KCTD3: variants seen among roughly 807,000 people sequenced by gnomAD.
The protein encoded by KCTD3 is potassium channel tetramerization domain containing 3.
KCTD3 carries 41 observed loss-of-function variants against 85.8 expected under a neutral mutation model. That is an observed-to-expected ratio of 0.48 (90% confidence interval 0.37 to 0.62). The LOEUF (loss-of-function observed/expected upper bound fraction) is 0.62, where lower values mean the gene tolerates loss of function less well. KCTD3 is among the 20% of genes least tolerant of loss of function. The pLI, the probability that KCTD3 is intolerant of heterozygous loss-of-function variation, is 0.00. For synonymous variants in KCTD3, 338 were observed against 345.4 expected (o/e 0.98, Z 0.24); for missense variants, 724 against 989.9 (o/e 0.73, Z 3.60).
At chr1:215,576,175 TCTC>T (rs1470162455) in intron 4 of KCTD3, among the ~76,000 whole-genome samples, 1 of 151,928 alleles carries the variant, frequency 6.6e-6, no homozygotes. Context: ...TTCAAACAAT[TCTC>T]CTGCCTCAGC....
intron 2 of KCTD3, 92 bp downstream of exon 2, chr1:215,573,931 G>C (rs1659468831): frequency 9.9e-7 from 1 of 1,012,412 alleles, no homozygotes; most frequent in South Asian, 1.7e-5. Flanking sequence ...TAATAAAAAA[G>C]GTTAACTCTT....
intron 1 of KCTD3, among the ~76,000 whole-genome samples, 159 bp downstream of exon 1, chr1:215,567,927 T>G (rs1659205008): frequency 6.6e-6 from 1 of 151,938 alleles, no homozygotes; most frequent in Non-Finnish European, 1.5e-5. Context: ...TCGGGCGGAT[T>G]TTGGAGCTGG....
At chr1:215,583,130 T>A (rs1033843628) in intron 8 of KCTD3, among the ~76,000 whole-genome samples, 2 of 152,040 alleles carry the variant, frequency 1.3e-5, no homozygotes, top group African/African-American at 2.4e-5. Context: ...TTTTTTTTTT[T>A]AAGTGAATCC....
intron 15 of KCTD3, among the ~76,000 whole-genome samples, chr1:215,613,963 T>C (rs531471059): frequency 6.6e-6 from 1 of 151,770 alleles, no homozygotes; most frequent in East Asian, 1.9e-4. Context: ...TTGCTTAGGA[T>C]TGCTTTGTCT....
chr1:215,568,085 C>G (rs566401304), intron 1 of KCTD3, among the ~76,000 whole-genome samples: 61 of 152,298 alleles, frequency 4.0e-4, no homozygotes, highest in Middle Eastern at 3.4e-3. Flanking sequence ...GCCTTCCTTA[C>G]CTCATCTCAG....
At chr1:215,618,745 C>A in intron 15 of KCTD3, 141 bp from the exon 16 acceptor site, 1 of 643,100 alleles carries the variant, frequency 1.6e-6, no homozygotes, top group South Asian at 2.3e-5. Context: ...TAAAGATTTA[C>A]ACATAAATTT....
At chr1:215,590,240 T>C (rs1241731182) in intron 9 of KCTD3, among the ~76,000 whole-genome samples, 1 of 152,216 alleles carries the variant, frequency 6.6e-6, no homozygotes, top group African/African-American at 2.4e-5. Flanking sequence ...TATTTTCTTT[T>C]GAGAAGTGTC....
At chr1:215,616,516 T>G (rs1655456639) in intron 15 of KCTD3, among the ~76,000 whole-genome samples, 1 of 152,054 alleles carries the variant, frequency 6.6e-6, no homozygotes, top group South Asian at 2.1e-4. Flanking sequence ...ATCCCAGCAC[T>G]TTGGGAGGCT....
Position 215,567,416 on chromosome 1 carries a change from A to C in KCTD3, c.-270A>C, listed in dbSNP as rs1421065667. ...CGTCGGTGGCAGCGGAGCACGGAGA[A>C]GAGGCCCGGGCGGCCCGGCGGCCTG... On this transcript the variant is annotated 5_prime_UTR_variant, in exon 1 of 18. Coordinates refer to ENST00000259154, the MANE Select transcript of KCTD3 (RefSeq NM_016121.5). The C allele has an allele frequency of 9.1e-6, 2 of 218,924 alleles. No homozygotes were observed. The highest frequency in any genetic ancestry group is 1.8e-5 in the Non-Finnish European group (2 of 112,994). 13.6% of individuals were successfully genotyped at this position (218,924 alleles called of 1,614,324 possible). A position where few individuals can be genotyped will look rare whatever the true frequency, so the allele number is the denominator to read the frequency against.
chr1:215,603,155 T>C (rs997138292), intron 12 of KCTD3, among the ~76,000 whole-genome samples: 1 of 152,184 alleles, frequency 6.6e-6, no homozygotes, highest in Non-Finnish European at 1.5e-5. Context: ...GTGGATTTTT[T>C]TTTTAAATCT....
chr1:215,578,677 C>T (rs1659680007), intron 6 of KCTD3, among the ~76,000 whole-genome samples: 1 of 152,152 alleles, frequency 6.6e-6, no homozygotes, highest in African/African-American at 2.4e-5. Flanking sequence ...TAGTACCTAA[C>T]ACATAATACC....
chr1:215,613,365 G>C (rs537629774), intron 15 of KCTD3, among the ~76,000 whole-genome samples: 2 of 152,104 alleles, frequency 1.3e-5, no homozygotes, highest in Non-Finnish European at 2.9e-5. Context: ...TGTTTTACTT[G>C]TTGATTTGAG....
At chr1:215,616,317 A>G (rs763659987) in intron 15 of KCTD3, among the ~76,000 whole-genome samples, 26 of 152,248 alleles carry the variant, frequency 1.7e-4, no homozygotes, top group Non-Finnish European at 1.5e-5. Context: ...TCACTAAATT[A>G]TGATCATCTT....
intron 8 of KCTD3, among the ~76,000 whole-genome samples, chr1:215,583,334 T>C (rs923688707): frequency 3.3e-5 from 5 of 152,208 alleles, no homozygotes; most frequent in African/African-American, 1.2e-4. Flanking sequence ...TTAGACCATA[T>C]AGGGTAACTT....
intron 14 of KCTD3, among the ~76,000 whole-genome samples, chr1:215,611,140 T>C (rs1404730915): frequency 6.6e-6 from 1 of 151,986 alleles, no homozygotes; most frequent in Non-Finnish European, 1.5e-5. Flanking sequence ...TTCTAAAATA[T>C]AATGGGCTAT....
At position 215,619,275 on chromosome 1, in the gene KCTD3, C is replaced by A; in HGVS notation, c.1870C>A (p.Arg624=). Reference sequence around the variant, plus strand: ...TTCCGTAGTTCAGCATAGCCACTTACGAGAATCAAATTCTAGGTAGGTTAA... The same window carrying A: ...TTCCGTAGTTCAGCATAGCCACTTAAGAGAATCAAATTCTAGGTAGGTTAA... ...ATSVVQHSHL[R]ESNSSLQLQH... Residue 624 remains arginine (R), a synonymous_variant, in exon 17 of 18, where the codon CGA becomes AGA. Coordinates refer to ENST00000259154, the MANE Select transcript of KCTD3 (RefSeq NM_016121.5). The A allele has an allele frequency of 6.2e-7, 1 of 1,612,896 alleles. No individual in the cohort carries two copies. The highest frequency in any genetic ancestry group is 8.5e-7 in the Non-Finnish European group (1 of 1,179,368).
chr1:215,569,370 C>T (rs543628132), intron 1 of KCTD3, among the ~76,000 whole-genome samples: 12 of 152,136 alleles, frequency 7.9e-5, no homozygotes, highest in African/African-American at 2.6e-4. Flanking sequence ...GCTCCCGCCT[C>T]GGCTTCCCAA....
At chr1:215,588,760 G>A (rs568983825) in intron 9 of KCTD3, among the ~76,000 whole-genome samples, 2 of 152,238 alleles carry the variant, frequency 1.3e-5, no homozygotes, top group Non-Finnish European at 2.9e-5. Context: ...AATACCAGCT[G>A]GATACAAGTA....
rs1192185245 is a variant in KCTD3 at position 215,620,339 on chromosome 1, T to G, written c.2169T>G (p.Asp723Glu). The G allele has an allele frequency of 1.2e-6, 2 of 1,613,898 alleles. No homozygotes were observed. Among genetic ancestry groups the G allele is most frequent in the Admixed American group, 1.7e-5 (1 of 59,978 alleles). The change falls in exon 18 of 18, where the codon GAT becomes GAG. Residue 723 changes from aspartate (D) to glutamate (E), a missense_variant. By Grantham distance (45) the Asp-to-Glu change is conservative. Transcript: ENST00000259154. ...GVEIKSLREL[D>E]SGLEVHKIAE... is the part of the protein sequence containing the mutation. ...AAATAAAAAGTTTGAGAGAATTGGA[T>G]AGTGGATTGGAAGTGCATAAAATAG...
Sources: allele counts gnomAD v4.1 joint callset (sites outside exome capture counted in the v4.1 genomes callset), GRCh38; gene constraint gnomAD v4.1.1; transcripts MANE v1.5; gene names NCBI Gene and HGNC (gene_info 2026-07-23, HGNC 2026-07-21).